The following IQCM variants were observed in gnomAD, a reference collection of about 807,000 sequenced individuals.
The protein encoded by IQCM is IQ motif containing M.
A neutral mutation model predicts 57.6 loss-of-function variants in IQCM; 45 were observed. That is an observed-to-expected ratio of 0.78 (90% confidence interval 0.62 to 1.00). IQCM has a LOEUF of 1.00. Among genes scored for constraint, IQCM ranks in the 50% least tolerant of loss-of-function variants. The pLI is 0.00. For missense variants in IQCM, 468 were observed against 511.6 expected, an observed-to-expected ratio of 0.91 and a Z score of 0.82; for synonymous variants, 148 against 158.9, an observed-to-expected ratio of 0.93 and a Z score of 0.51.
chr4:149,591,288 C>A (rs541832175), intron 8 of IQCM, among the ~76,000 whole-genome samples: 1 of 152,080 alleles, frequency 6.6e-6, no homozygotes, highest in East Asian at 1.9e-4. Flanking sequence ...CCTTCATGGT[C>A]TAATGATTAA....
intron 5 of IQCM, among the ~76,000 whole-genome samples, chr4:149,725,090 A>G (rs1765775617): frequency 6.6e-6 from 1 of 152,150 alleles, no homozygotes; most frequent in African/African-American, 2.4e-5. Context: ...AGGCAAGCAC[A>G]AAGAAGATAT....
intron 2 of IQCM, among the ~76,000 whole-genome samples, chr4:149,750,874 A>G (rs567945260): frequency 3.3e-5 from 5 of 152,372 alleles, no homozygotes; most frequent in African/African-American, 1.2e-4. Context: ...AACTGTTCCA[A>G]TAGAATTATG....
chr4:149,770,866 A>G (rs1363873818), intron 2 of IQCM, among the ~76,000 whole-genome samples: 1 of 152,196 alleles, frequency 6.6e-6, no homozygotes, highest in African/African-American at 2.4e-5. Flanking sequence ...CCCTAGGGTC[A>G]GGAACGACAC....
At chr4:149,407,757 T>C (rs1205078904) in intron 13 of IQCM, among the ~76,000 whole-genome samples, 1 of 152,164 alleles carries the variant, frequency 6.6e-6, no homozygotes, top group Non-Finnish European at 1.5e-5. Flanking sequence ...TTTGGAACAG[T>C]TGATGGACAC....
At chr4:149,778,461 G>C (rs1051046194) in intron 2 of IQCM, among the ~76,000 whole-genome samples, 1 of 152,078 alleles carries the variant, frequency 6.6e-6, no homozygotes, top group African/African-American at 2.4e-5. Context: ...GAAATTTATA[G>C]CACTGAATGC....
intron 8 of IQCM, among the ~76,000 whole-genome samples, chr4:149,608,097 G>A (rs1754956978): frequency 6.6e-6 from 1 of 151,662 alleles, no homozygotes; most frequent in Non-Finnish European, 1.5e-5. Context: ...CATGCCAGTG[G>A]AAACCAAAAA....
Position 149,369,328 on chromosome 4 carries a change from G to A in IQCM, c.1391-17262C>T, listed in dbSNP as rs537130378. On this transcript the variant is annotated intron_variant, in intron 13 of 13. Coordinates refer to ENST00000636793, the MANE Select transcript of IQCM (RefSeq NM_001363507.2). ...CAAATTGCTGGGATTATAGGCATGA[G>A]CCACCACACCTGGCTGACACAAATA... 7.9e-5 allele frequency among the ~76,000 whole-genome samples: 12 copies of A among 151,932 alleles called. No homozygotes were observed. The East Asian group carries it at 1.6e-3, about 20-fold the overall frequency.
chr4:149,651,097 A>T (rs1333937335), intron 7 of IQCM, among the ~76,000 whole-genome samples: 2 of 152,164 alleles, frequency 1.3e-5, no homozygotes, highest in Non-Finnish European at 2.9e-5. Context: ...TCCTAATATA[A>T]ATGAAAGTTA....
intron 3 of IQCM, among the ~76,000 whole-genome samples, chr4:149,740,281 A>G (rs1767338655): frequency 6.6e-6 from 1 of 152,184 alleles, no homozygotes; most frequent in Non-Finnish European, 1.5e-5. Flanking sequence ...CCCACCTCAG[A>G]CACAATGGGA....
At chr4:149,583,084 G>A (rs978460420) in intron 9 of IQCM, among the ~76,000 whole-genome samples, 13 of 151,344 alleles carry the variant, frequency 8.6e-5, no homozygotes, top group African/African-American at 2.7e-4. Flanking sequence ...ATTTAGAATT[G>A]GTAATTCAAT....
chr4:149,653,695 C>T (rs1423140675), intron 7 of IQCM, among the ~76,000 whole-genome samples: 2 of 152,006 alleles, frequency 1.3e-5, no homozygotes, highest in Non-Finnish European at 2.9e-5. Context: ...GACACATTTA[C>T]CAAAATGGTC....
At chr4:149,801,104 G>A (rs1773563274) in intron 2 of IQCM, among the ~76,000 whole-genome samples, 1 of 151,778 alleles carries the variant, frequency 6.6e-6, no homozygotes, top group African/African-American at 2.4e-5. Flanking sequence ...CTCAAAAGTG[G>A]ACATACAAAT....
chr4:149,616,023 C>T (rs946946783), intron 8 of IQCM, among the ~76,000 whole-genome samples: 4 of 152,124 alleles, frequency 2.6e-5, no homozygotes, highest in African/African-American at 9.7e-5. Context: ...GGTACAGCCA[C>T]TGTGGAAAAT....
chr4:149,533,707 T>G (rs1032371148), intron 12 of IQCM, among the ~76,000 whole-genome samples: 1 of 151,990 alleles, frequency 6.6e-6, no homozygotes, highest in Non-Finnish European at 1.5e-5. Context: ...AGTCATAAGC[T>G]CTCATGAGAA....
At chr4:149,507,760 T>G (rs1477620009) in intron 12 of IQCM, among the ~76,000 whole-genome samples, 1 of 152,120 alleles carries the variant, frequency 6.6e-6, no homozygotes, top group East Asian at 1.9e-4. Context: ...TTCAAGCCAG[T>G]TGAAAACATT....
At chr4:149,679,828 T>C (rs961899767) in intron 7 of IQCM, among the ~76,000 whole-genome samples, 1 of 151,478 alleles carries the variant, frequency 6.6e-6, no homozygotes, top group Non-Finnish European at 1.5e-5. Context: ...AGAGTTATAA[T>C]AATGATGTGG....
chr4:149,448,102 G>T (rs1438009090), intron 12 of IQCM, among the ~76,000 whole-genome samples: 1 of 151,582 alleles, frequency 6.6e-6, no homozygotes, highest in Non-Finnish European at 1.5e-5. Flanking sequence ...CACAGAACAT[G>T]TTCCATGATT....
intron 7 of IQCM, among the ~76,000 whole-genome samples, chr4:149,648,069 C>T (rs918239844): frequency 7.2e-5 from 11 of 152,232 alleles, no homozygotes; most frequent in Admixed American, 2.6e-4. Flanking sequence ...TGTTCTATTT[C>T]AAATTTATGT....
At chr4:149,570,924 A>T (rs1199323226) in intron 9 of IQCM, among the ~76,000 whole-genome samples, 2 of 152,098 alleles carry the variant, frequency 1.3e-5, no homozygotes, top group Non-Finnish European at 2.9e-5. Flanking sequence ...CATCAGGGAA[A>T]GACAAATTAA....
Sources: gnomAD v4.1 joint callset for allele counts (sites outside exome capture counted in the v4.1 genomes callset) on GRCh38, gnomAD v4.1.1 for gene constraint, MANE v1.5 for transcripts, NCBI Gene and HGNC (gene_info 2026-07-23, HGNC 2026-07-21) for gene names.